The following ZNF292 variants were observed in gnomAD, a reference collection of about 807,000 sequenced individuals.
ZNF292 encodes 16 zinc-finger domain protein.
Under a neutral mutation model 217.9 loss-of-function variants are expected in ZNF292, and 26 were observed. The ratio of observed to expected loss-of-function variants is 0.12; its 90% CI spans 0.09 to 0.17. ZNF292 has a LOEUF of 0.17. ZNF292 is among the 10% of genes least tolerant of loss of function. The pLI is 1.00. For synonymous variants in ZNF292, 1,257 were observed against 1,124.1 expected (o/e 1.12, Z -2.37); for missense variants, 2,904 against 3,175.2 (o/e 0.91, Z 2.05).
chr6:87,260,873 C>T lies in ZNF292; in HGVS notation c.7244C>T (p.Ala2415Val). The T allele has an allele frequency of 3.7e-6, 6 of 1,610,112 alleles. No homozygotes were observed. The highest frequency in any genetic ancestry group is 5.1e-6 in the Non-Finnish European group (6 of 1,177,960). The stretch of plus-strand genomic sequence containing the variant: ...TATAAGTGCCATAAATTATCTAAGG[C>T]ATTTACATCACAACACCGAAATCTT... ...RHYKCHKLSK[A>V]FTSQHRNLLI... The change falls in exon 8 of 8, where the codon GCA becomes GTA. Residue 2415 changes from alanine to valine, a missense_variant. By Grantham distance (64) the Ala-to-Val change is moderately conservative. Coordinates refer to ENST00000369577, the MANE Select transcript of ZNF292 (RefSeq NM_015021.3).
Position 87,255,005 on chromosome 6 carries a change from T to G in ZNF292, c.1376T>G (p.Leu459Ter), listed in dbSNP as rs766523542. 1 of 1,613,832 alleles carries G rather than the reference T, an allele frequency of 6.2e-7. No homozygotes were observed. Residue 459 changes from leucine to a stop codon, truncating the protein, a stop_gained, in exon 8 of 8, where the codon TTA becomes TGA. Coordinates refer to ENST00000369577, the MANE Select transcript of ZNF292 (RefSeq NM_015021.3). LOFTEE classifies it high-confidence loss of function. ...WKTLKRQCLA[L>*]MGEEASIVSS... ...ACCTTGAAACGACAATGTCTTGCATTAATGGGAGAAGAAGCATCCATTGTG... is the reference window on the plus strand; with the variant it reads ...ACCTTGAAACGACAATGTCTTGCATGAATGGGAGAAGAAGCATCCATTGTG...
At position 87,259,973 on chromosome 6, in the gene ZNF292, G is replaced by A. The variant is rs753505934; in HGVS notation, c.6344G>A (p.Arg2115Gln). 22 of 1,613,414 alleles carry A rather than the reference G, an allele frequency of 1.4e-5. No homozygotes were observed. Among genetic ancestry groups the A allele is most frequent in the African/African-American group, 2.7e-5 (2 of 74,856 alleles). Residue 2115 changes from arginine to glutamine, a missense_variant, in exon 8 of 8, where the codon CGA becomes CAA. This residue lies in a region of ZNF292 where 261 missense variants were observed against 272.8 expected (regional missense o/e 0.96). Transcript: ENST00000369577. ...PTRYSPYRPY[R>Q]CVHQGCFAAF... The stretch of plus-strand genomic sequence containing the variant: ...AGATACAGTCCTTACAGACCTTATC[G>A]ATGTGTTCACCAGGGATGCTTTGCT...
At chr6:87,231,936 CT>C (rs1773678188) in intron 4 of ZNF292, among the ~76,000 whole-genome samples, 1 of 152,110 alleles carries the variant, frequency 6.6e-6, no homozygotes, top group Admixed American at 6.5e-5. Flanking sequence ...TATTTAAAAT[CT>C]TTTGCTTTGG....
intron 7 of ZNF292, among the ~76,000 whole-genome samples, chr6:87,253,242 T>TTTG (rs1197544803): frequency 1.0e-4 from 14 of 134,738 alleles, no homozygotes; most frequent in African/African-American, 4.0e-4. Context: ...TTTTTTTTTT[T>TTTG]GAGACAGGGT....
chr6:87,198,781 C>T (rs1772031043), intron 1 of ZNF292, among the ~76,000 whole-genome samples: 1 of 152,146 alleles, frequency 6.6e-6, no homozygotes. Flanking sequence ...TGGGTTGCGT[C>T]TCATAAACAC....
rs1321519757 is a variant in ZNF292 at position 87,257,470 on chromosome 6, A to G, written c.3841A>G (p.Ser1281Gly). The G allele has an allele frequency of 2.5e-6, 4 of 1,613,000 alleles. No homozygotes were observed. The highest frequency in any genetic ancestry group is 2.7e-5 in the African/African-American group (2 of 74,912). ...GTCTCTCTTCCCTTCACCAGCAGAT[A>G]GTGGGACTAATTCTGTTTTTTCCCA... Reference protein sequence around the residue: ...SMSLFPSPADSGTNSVFSQLE... With the variant: ...SMSLFPSPADGGTNSVFSQLE... The change falls in exon 8 of 8, where the codon AGT (serine) becomes GGT (glycine). Residue 1281 changes from serine (S) to glycine (G), a missense_variant. This residue lies in a region of ZNF292 where 687 missense variants were observed against 623.0 expected (regional missense o/e 1.10). Transcript: ENST00000369577.
At chr6:87,230,001 G>A (rs564815603) in intron 4 of ZNF292, among the ~76,000 whole-genome samples, 1 of 152,298 alleles carries the variant, frequency 6.6e-6, no homozygotes, top group East Asian at 1.9e-4. Context: ...TGGAAGTGGA[G>A]ATGAAGAAGA....
intron 1 of ZNF292, among the ~76,000 whole-genome samples, chr6:87,176,432 A>T (rs1051388200): frequency 6.6e-6 from 1 of 152,214 alleles, no homozygotes; most frequent in Non-Finnish European, 1.5e-5. Context: ...TCCTCAGGGA[A>T]TAGCGAGGGC....
intron 1 of ZNF292, among the ~76,000 whole-genome samples, chr6:87,182,663 GAT>G (rs1305957683): frequency 6.6e-6 from 1 of 152,122 alleles, no homozygotes; most frequent in Non-Finnish European, 1.5e-5. Flanking sequence ...AGTTGGTGAT[GAT>G]ATGTTTCTAG....
chr6:87,246,204 C>G (rs2127843975), intron 7 of ZNF292, among the ~76,000 whole-genome samples: 1 of 152,274 alleles, frequency 6.6e-6, no homozygotes, highest in Admixed American at 6.5e-5. Flanking sequence ...GCACTCGAGC[C>G]TGGGCAACAG....
chr6:87,252,997 C>A (rs1418310377), intron 7 of ZNF292, among the ~76,000 whole-genome samples: 2 of 151,960 alleles, frequency 1.3e-5, no homozygotes, highest in Non-Finnish European at 2.9e-5. Context: ...GCCTCGAATT[C>A]CCAATTTCAA....
At chr6:87,249,716 T>C (rs1454449125) in intron 7 of ZNF292, among the ~76,000 whole-genome samples, 1 of 152,096 alleles carries the variant, frequency 6.6e-6, no homozygotes, top group African/African-American at 2.4e-5. Context: ...GGTAACCTTT[T>C]TTTTTCTTTT....
At chr6:87,228,669 C>T (rs1662063268) in intron 4 of ZNF292, among the ~76,000 whole-genome samples, 1 of 152,098 alleles carries the variant, frequency 6.6e-6, no homozygotes, top group Admixed American at 6.5e-5. Context: ...TTTCCAGCAC[C>T]ATTTGTTGAA....
chr6:87,166,960 G>A (rs546703139), intron 1 of ZNF292, among the ~76,000 whole-genome samples: 3 of 152,144 alleles, frequency 2.0e-5, no homozygotes, highest in African/African-American at 4.8e-5. Flanking sequence ...AGGTCCCAGA[G>A]TTAGGATATG....
At chr6:87,177,386 A>G (rs1411983519) in intron 1 of ZNF292, among the ~76,000 whole-genome samples, 1 of 151,490 alleles carries the variant, frequency 6.6e-6, no homozygotes, top group Non-Finnish European at 1.5e-5. Flanking sequence ...TCTTATTTCC[A>G]CAGGCCAGTT....
chr6:87,244,860 T>C (rs1444604276), intron 6 of ZNF292, among the ~76,000 whole-genome samples: 3 of 152,018 alleles, frequency 2.0e-5, no homozygotes, highest in Non-Finnish European at 4.4e-5. Flanking sequence ...TGCACACACA[T>C]ATATACGTAC....
intron 7 of ZNF292, among the ~76,000 whole-genome samples, chr6:87,252,557 G>A (rs1200976876): frequency 1.3e-5 from 2 of 152,132 alleles, no homozygotes; most frequent in Non-Finnish European, 2.9e-5. Flanking sequence ...CAGTTCTTCT[G>A]ACATTATTAT....
intron 1 of ZNF292, among the ~76,000 whole-genome samples, chr6:87,198,534 ATTTTAGAAAATATTAACAT>A (rs1772026015): frequency 6.6e-6 from 1 of 152,180 alleles, no homozygotes; most frequent in Admixed American, 6.5e-5. Flanking sequence ...CATGTTAGTC[ATTTTAGAAAATATTAACAT>A]TAGAACTGCT....
chr6:87,255,367 T>G lies in ZNF292; in HGVS notation c.1738T>G (p.Ser580Ala). 2 of 1,613,706 alleles carry G rather than the reference T, an allele frequency of 1.2e-6. No individual in the cohort carries two copies. Among genetic ancestry groups the G allele is most frequent in the Non-Finnish European group, 1.7e-6 (2 of 1,179,814 alleles). ...CCCCATATGTGCAAAGAACTTTAATTCTAAAGAAACTTTTGTCCCTCATGT... is the reference window on the plus strand; with the variant it reads ...CCCCATATGTGCAAAGAACTTTAATGCTAAAGAAACTTTTGTCCCTCATGT... ...SCPICAKNFN[S>A]KETFVPHVTL... Residue 580 changes from serine (S) to alanine (A), a missense_variant, in exon 8 of 8, where the codon TCT (serine) becomes GCT (alanine). Physicochemically the swap from Ser to Ala is moderately conservative, Grantham distance 99. This residue lies in a region of ZNF292 where 216 missense variants were observed against 308.3 expected (regional missense o/e 0.70). Transcript: ENST00000369577.
Sources: gnomAD v4.1 joint callset for allele counts (sites outside exome capture counted in the v4.1 genomes callset) on GRCh38, gnomAD v4.1.1 for gene constraint, gnomAD v4.1.1 regional missense constraint, MANE v1.5 for transcripts, NCBI Gene and HGNC (gene_info 2026-07-23, HGNC 2026-07-21) for gene names.